The following NCKAP5L variants were observed in gnomAD, a reference collection of about 807,000 sequenced individuals.
The protein encoded by NCKAP5L is nck-associated protein 5-like.
Under a neutral mutation model 103.2 loss-of-function variants are expected in NCKAP5L, and 54 were observed. The observed-to-expected ratio is 0.52, with a 90% CI of 0.42 to 0.66. NCKAP5L has a LOEUF of 0.66. NCKAP5L is among the 30% of genes least tolerant of loss of function. The pLI, the probability that NCKAP5L is intolerant of heterozygous loss-of-function variation, is 0.00. For missense variants in NCKAP5L, 1,733 were observed against 1,750.6 expected, an observed-to-expected ratio of 0.99 and a Z score of 0.18; for synonymous variants, 762 against 748.6, an observed-to-expected ratio of 1.02 and a Z score of -0.29.
intron 7 of NCKAP5L, 121 bp downstream of exon 7, chr12:49,798,229 G>T: frequency 1.1e-6 from 1 of 893,004 alleles, no homozygotes; most frequent in Non-Finnish European, 1.8e-6. Context: ...TGCTTTTTTT[G>T]GCATTCGGCT....
In NCKAP5L at chr12:49,791,757, C is replaced by T. The variant is rs201880504; in HGVS notation, c.*82G>A. On this transcript the variant is annotated 3_prime_UTR_variant, in exon 13 of 13. Transcript: ENST00000335999. ...CTTGGTCCCTTCAGGGAGGGGTCCCCGTCTCCGGGGGCTGGGCATGAAGAG... is the reference window on the plus strand; with the variant it reads ...CTTGGTCCCTTCAGGGAGGGGTCCCTGTCTCCGGGGGCTGGGCATGAAGAG... 278 of 1,314,704 alleles carry T rather than the reference C, an allele frequency of 2.1e-4. 1 individual carries two copies. The East Asian group carries it at 7.0e-3, about 33-fold the overall frequency. The allele number at this position is 1,314,704 out of a possible 1,614,324, so 81.4% of individuals were successfully genotyped here.
chr12:49,791,860 G>A lies in NCKAP5L; in HGVS notation c.3984C>T (p.Ser1328=), dbSNP rs1198367103. 3.7e-6 allele frequency: 6 copies of A among 1,609,112 alleles called. No individual in the cohort carries two copies. Among genetic ancestry groups the A allele is most frequent in the Non-Finnish European group, 5.1e-6 (6 of 1,177,646 alleles). The change falls in exon 13 of 13, where the codon TCC becomes TCT. Residue 1328 remains serine (S), a synonymous_variant. Coordinates refer to ENST00000335999, the MANE Select transcript of NCKAP5L (RefSeq NM_001037806.4). The part of the protein sequence containing the change: ...SLSDSLYDSL[S]SCGSQG ...CCCCTCAGCCCTGACTCCCACAAGA[G>A]GACAGCGAGTCGTAGAGTGAGTCAC... is the stretch of plus-strand genomic sequence containing the variant.
At chr12:49,821,889 C>T (rs973354766) in intron 1 of NCKAP5L, among the ~76,000 whole-genome samples, 4 of 152,198 alleles carry the variant, frequency 2.6e-5, no homozygotes, top group Admixed American at 1.3e-4. Flanking sequence ...GGTGAACAAA[C>T]ACTGCTCATG....
chr12:49,795,345 A>G lies in NCKAP5L; in HGVS notation c.2515T>C (p.Ser839Pro). Residue 839 changes from serine (S) to proline (P), a missense_variant, in exon 8 of 13, where the codon TCC becomes CCC. By Grantham distance (74) the Ser-to-Pro change is moderately conservative (BLOSUM62 -1). Transcript: ENST00000335999. ...CCCTTCCCTTTGTCAGGCTTGGGGGACTCCTTGGTGACTAGCGGAGCCCCA... is the reference window on the plus strand; with the variant it reads ...CCCTTCCCTTTGTCAGGCTTGGGGGGCTCCTTGGTGACTAGCGGAGCCCCA... The part of the protein sequence containing the change: ...RPGAPLVTKE[S>P]PKPDKGKGPP... 1 of 1,534,008 alleles carries G rather than the reference A, an allele frequency of 6.5e-7. No homozygotes were observed. The highest frequency in any genetic ancestry group is 2.2e-5 in the Admixed American group (1 of 45,798).
At chr12:49,803,017 G>A (rs1216419349) in intron 4 of NCKAP5L, 21 bp from the exon 5 acceptor site, 2 of 1,614,224 alleles carry the variant, frequency 1.2e-6, no homozygotes, top group Non-Finnish European at 1.7e-6. Context: ...AAAGCCCCGA[G>A]GCAGAGCCAT....
At position 49,795,116 on chromosome 12, in the gene NCKAP5L, C is replaced by T. The variant is rs753742604; in HGVS notation, c.2744G>A (p.Ser915Asn). The change falls in exon 8 of 13, where the codon AGC becomes AAC. Residue 915 changes from serine to asparagine, a missense_variant. Ser to Asn is a conservative substitution (Grantham distance 46). Coordinates refer to ENST00000335999, the MANE Select transcript of NCKAP5L (RefSeq NM_001037806.4). ...PGAEVKHRNT[S>N]SIASWFGLKK... ...AAGGCCGAACCAGCTGGCGATGCTGCTGGTGTTGCGGTGCTTGACCTCGGC... is the reference window on the plus strand; with the variant it reads ...AAGGCCGAACCAGCTGGCGATGCTGTTGGTGTTGCGGTGCTTGACCTCGGC... 3.9e-5 allele frequency: 63 copies of T among 1,613,286 alleles called. No individual in the cohort carries two copies. Among genetic ancestry groups the T allele is most frequent in the Non-Finnish European group, 5.3e-5 (62 of 1,179,796 alleles).
rs1420037216 is a variant in NCKAP5L at position 49,806,689 on chromosome 12, C to A, written c.-98-648G>T. ...AGGCCTAGATTTTCCCACTCCTCTG[C>A]ACACACCCAAGCTTCACTGTAAGCT... On this transcript the variant is annotated intron_variant, in intron 1 of 12. Transcript: ENST00000335999. 2.0e-5 allele frequency among the ~76,000 whole-genome samples: 3 copies of A among 152,232 alleles called. No homozygotes were observed. In the East Asian group the frequency reaches 5.8e-4, roughly 29 times the overall value.
chr12:49,798,114 T>C (rs1356588610), intron 7 of NCKAP5L, among the ~76,000 whole-genome samples: 1 of 152,220 alleles, frequency 6.6e-6, no homozygotes, highest in Non-Finnish European at 1.5e-5. Context: ...CAGGGTGTTC[T>C]ACACAGTGCC....
rs757346845 is a variant in NCKAP5L, at chr12:49,792,643, C to T, written c.3649+35G>A. 6.2e-7 allele frequency: 1 copy of T among 1,613,472 alleles called. No homozygotes were observed. Among genetic ancestry groups the T allele is most frequent in the Non-Finnish European group, 8.5e-7 (1 of 1,179,680 alleles). ...AGCTGCCTGGGCAGCTCCAGGATGC[C>T]CAGGGGCATCCCACCCTCCCACCTG... On this transcript the variant is annotated intron_variant, in intron 11 of 12. Coordinates refer to ENST00000335999, the MANE Select transcript of NCKAP5L (RefSeq NM_001037806.4). The surrounding 1 kb of genome is among the most constrained non-coding windows in gnomAD (Gnocchi z 4.5).
rs541887155 is a variant in NCKAP5L at position 49,797,559 on chromosome 12, G to A, written c.466-165C>T. Among the ~76,000 whole-genome samples the A allele has an allele frequency of 3.2e-4, 49 of 152,282 alleles. No individual in the cohort carries two copies. Among genetic ancestry groups the A allele is most frequent in the African/African-American group, 1.2e-3 (48 of 41,566 alleles). ...ACAGCAACTGGGATATGATGGTTCC[G>A]CTTCCTCAAGGGTTGCTCAACACTG... is the stretch of plus-strand genomic sequence containing the variant. On this transcript the variant is annotated intron_variant, in intron 7 of 12. Transcript: ENST00000335999. This position sits in a 1 kb window ranked among gnomAD's most constrained non-coding sequence, Gnocchi z 4.5.
intron 3 of NCKAP5L, 61 bp from the exon 4 acceptor site, chr12:49,803,226 G>T: frequency 6.4e-7 from 1 of 1,560,138 alleles, no homozygotes; most frequent in Non-Finnish European, 8.8e-7. Flanking sequence ...CTTCCCCCAG[G>T]GCACATTCCT....
chr12:49,794,604 G>GACC (rs1945998767), intron 8 of NCKAP5L, among the ~76,000 whole-genome samples, 161 bp downstream of exon 8: 1 of 96,826 alleles, frequency 1.0e-5, no homozygotes. Flanking sequence ...CCAAGTCACT[G>GACC]ACCCCCCCAC....
intron 1 of NCKAP5L, among the ~76,000 whole-genome samples, chr12:49,816,719 C>A (rs570898036): frequency 6.6e-6 from 1 of 151,674 alleles, no homozygotes; most frequent in South Asian, 2.1e-4. Context: ...ATTGCTTGAA[C>A]CTGAGAGGCT....
At chr12:49,811,915 C>T (rs79223009) in intron 1 of NCKAP5L, among the ~76,000 whole-genome samples, 4,315 of 152,256 alleles carry the variant, frequency 0.028, 148 homozygotes, top group East Asian at 0.14. Context: ...CTCATTGTTC[C>T]CTTAACCTGG....
chr12:49,796,141 C>T lies in NCKAP5L; in HGVS notation c.1719G>A (p.Glu573=). The stretch of plus-strand genomic sequence containing the variant: ...GCACCTGCAGTGGGGATGGAGGTGG[C>T]TCTGGGGAAGGCCCCCTAAAGGTGC... ...SRSTFRGPSP[E]PPPSPLQVPT... Residue 573 remains glutamate (E), a synonymous_variant, in exon 8 of 13, where the codon GAG becomes GAA. Transcript: ENST00000335999. 6.2e-7 allele frequency: 1 copy of T among 1,611,456 alleles called. No individual in the cohort carries two copies. Among genetic ancestry groups the T allele is most frequent in the Non-Finnish European group, 8.5e-7 (1 of 1,179,056 alleles).
At chr12:49,827,993 AGAGG>A in intron 1 of NCKAP5L, among the ~76,000 whole-genome samples, 1 of 151,232 alleles carries the variant, frequency 6.6e-6, no homozygotes, top group East Asian at 2.0e-4. Context: ...GTGCTTTCAA[AGAGG>A]GAGGGGAGCC....
In NCKAP5L at chr12:49,806,376, T is replaced by C. The variant is rs578012646; in HGVS notation, c.-98-335A>G. Among the ~76,000 whole-genome samples, 32 of 152,312 alleles carry C rather than the reference T, an allele frequency of 2.1e-4. 1 individual carries two copies. The highest frequency in any genetic ancestry group is 6.5e-4 in the African/African-American group (27 of 41,566). ...TCACACCTGGTACTTTACAACCCGG[T>C]TCTACAACATACATTGTCTTGCCTC... On this transcript the variant is annotated intron_variant, in intron 1 of 12. Coordinates refer to ENST00000335999, the MANE Select transcript of NCKAP5L (RefSeq NM_001037806.4).
At position 49,793,814 on chromosome 12, in the gene NCKAP5L, G is replaced by A. The variant is rs371311222; in HGVS notation, c.3178C>T (p.Pro1060Ser). The A allele has an allele frequency of 6.2e-7, 1 of 1,600,168 alleles. No homozygotes were observed. The change falls in exon 9 of 13, where the codon CCC becomes TCC. Residue 1060 changes from proline (P) to serine (S), a missense_variant. By Grantham distance (74) the Pro-to-Ser change is moderately conservative. Coordinates refer to ENST00000335999, the MANE Select transcript of NCKAP5L (RefSeq NM_001037806.4). The stretch of plus-strand genomic sequence containing the variant: ...CCACAGGCTGGCCAGGGGCTCTTGG[G>A]GTCAGAAGACACCGGCTGGAAATCC... ...YGDFQPVSSD[P>S]KSPWPACGPR...
intron 6 of NCKAP5L, among the ~76,000 whole-genome samples, chr12:49,801,628 C>A (rs74394980): frequency 0.013 from 1,969 of 152,244 alleles, 41 homozygotes; most frequent in African/African-American, 0.045. Context: ...AAGTGCAAAG[C>A]TCTGTCAACA....
Sources: allele counts gnomAD v4.1 joint callset (sites outside exome capture counted in the v4.1 genomes callset), GRCh38; gene constraint gnomAD v4.1.1; non-coding constraint Gnocchi (gnomAD v3.1); transcripts MANE v1.5; gene names NCBI Gene and HGNC (gene_info 2026-07-23, HGNC 2026-07-21).